GALK2: variants seen among roughly 807,000 people sequenced by gnomAD.
GALK2 encodes galactokinase 2, also known as N-acetylgalactosamine kinase.
GALK2 carries 36 observed loss-of-function variants against 52.4 expected under a neutral mutation model. The observed-to-expected ratio is 0.69, with a 90% CI of 0.53 to 0.91. The LOEUF (loss-of-function observed/expected upper bound fraction) is 0.91. Among genes scored for constraint, GALK2 ranks in the 40% least tolerant of loss-of-function variants. The pLI is 0.00. For synonymous variants in GALK2, 176 were observed against 199.1 expected (o/e 0.88, Z 0.98); for missense variants, 579 against 559.1 (o/e 1.04, Z -0.36).
At position 49,228,681 on chromosome 15, in the gene GALK2, A is replaced by ATG. The variant is rs1566957908; in HGVS notation, c.267-7169_267-7168insGT. Among the ~76,000 whole-genome samples the ATG allele has an allele frequency of 8.3e-4, 8 of 9,672 alleles. 1 individual carries two copies. The highest frequency in any genetic ancestry group is 1.8e-3 in the Non-Finnish European group (8 of 4,554). The allele number at this position is 9,672 out of a possible 152,430, so 6.3% of individuals were successfully genotyped here. A position where few individuals can be genotyped will look rare whatever the true frequency, so the allele number is the denominator to read the frequency against. On this transcript the variant is annotated intron_variant, in intron 3 of 9. Transcript: ENST00000560031. ...CACTGATATATATATATATATATAT[A>ATG]TATATATTTTTTTTTTTTTTTTTTT...
At chr15:49,290,869 G>C (rs530459569) in intron 7 of GALK2, among the ~76,000 whole-genome samples, 4 of 152,180 alleles carry the variant, frequency 2.6e-5, no homozygotes, top group Non-Finnish European at 4.4e-5. Flanking sequence ...CATTGAGAAC[G>C]TGGCCTAGGG....
chr15:49,284,339 G>A (rs574784662), intron 7 of GALK2, among the ~76,000 whole-genome samples: 1 of 152,342 alleles, frequency 6.6e-6, no homozygotes, highest in African/African-American at 2.4e-5. Context: ...ACTAGAGAGA[G>A]TGGACAGTAG....
At chr15:49,203,850 C>T (rs765214270) in intron 2 of GALK2, among the ~76,000 whole-genome samples, 3 of 152,142 alleles carry the variant, frequency 2.0e-5, no homozygotes, top group Non-Finnish European at 2.9e-5. Context: ...CATGGTGGCT[C>T]ACACTTGCAA....
chr15:49,173,432 T>C (rs1348070825), intron 1 of GALK2, among the ~76,000 whole-genome samples: 1 of 152,188 alleles, frequency 6.6e-6, no homozygotes, highest in Non-Finnish European at 1.5e-5. Context: ...ACTGAATACA[T>C]TTTTAATATT....
chr15:49,283,452 A>G, intron 6 of GALK2, 114 bp from the exon 7 acceptor site: 2 of 887,170 alleles, frequency 2.3e-6, no homozygotes, highest in Non-Finnish European at 3.5e-6. Context: ...AATAAGTAAT[A>G]TTTGAATGAA....
chr15:49,229,756 C>G (rs967826264), intron 3 of GALK2, among the ~76,000 whole-genome samples: 1 of 152,112 alleles, frequency 6.6e-6, no homozygotes, highest in African/African-American at 2.4e-5. Context: ...GGCCCAGCTG[C>G]GGGGGAGAGT....
Position 49,331,652 on chromosome 15 carries a change from C to T in GALK2, c.*3493C>T. On this transcript the variant is annotated 3_prime_UTR_variant, in exon 10 of 10. Transcript: ENST00000560031. ...CATGTGCATGTAGATGATTAAGTAA[C>T]AAGAATGTATCCTCTCCTGCCACTG... is the stretch of plus-strand genomic sequence containing the variant. The T allele has an allele frequency of 1.6e-6, 1 of 622,016 alleles. No homozygotes were observed. Among genetic ancestry groups the T allele is most frequent in the Non-Finnish European group, 2.9e-6 (1 of 346,886 alleles). The allele number at this position is 622,016 out of a possible 1,614,324, so 38.5% of individuals were successfully genotyped here.
chr15:49,278,655 G>T (rs1361907117), intron 5 of GALK2, among the ~76,000 whole-genome samples: 1 of 152,158 alleles, frequency 6.6e-6, no homozygotes, highest in East Asian at 1.9e-4. Context: ...TATGGTGGTG[G>T]TTAAGATTAT....
intron 8 of GALK2, among the ~76,000 whole-genome samples, chr15:49,302,442 T>C (rs2035193852): frequency 6.6e-6 from 1 of 152,184 alleles, no homozygotes; most frequent in Admixed American, 6.5e-5. Flanking sequence ...TGTTGTGTTC[T>C]AGAAGAGCCA....
At chr15:49,262,577 G>T (rs1281453490) in intron 5 of GALK2, among the ~76,000 whole-genome samples, 1 of 150,994 alleles carries the variant, frequency 6.6e-6, no homozygotes, top group East Asian at 2.0e-4. Flanking sequence ...CTTCAGTTCT[G>T]CTCTGATTTT....
chr15:49,363,853 T>C (rs1237118472), intron 3 of GALK2, among the ~76,000 whole-genome samples: 1 of 152,182 alleles, frequency 6.6e-6, no homozygotes, highest in Non-Finnish European at 1.5e-5. Context: ...AAAAGCCTAT[T>C]CTGCATGTAT....
chr15:49,240,663 T>C (rs1262351284), intron 5 of GALK2, among the ~76,000 whole-genome samples: 1 of 152,096 alleles, frequency 6.6e-6, no homozygotes, highest in Non-Finnish European at 1.5e-5. Context: ...GGAGAGAACA[T>C]CATGTGGAAA....
chr15:49,333,514 A>G (rs544208474), downstream of GALK2, among the ~76,000 whole-genome samples: 2 of 152,228 alleles, frequency 1.3e-5, no homozygotes, highest in Non-Finnish European at 2.9e-5. Context: ...GAAACTTGTA[A>G]GAGTCACCCG....
At chr15:49,353,074 G>A (rs1400541536) in intron 3 of GALK2, among the ~76,000 whole-genome samples, 1 of 152,132 alleles carries the variant, frequency 6.6e-6, no homozygotes, top group Non-Finnish European at 1.5e-5. Context: ...TCTATGGTGA[G>A]TTGATGAAAT....
At chr15:49,315,736 G>A (rs1443316627) in intron 8 of GALK2, among the ~76,000 whole-genome samples, 3 of 152,134 alleles carry the variant, frequency 2.0e-5, no homozygotes, top group South Asian at 2.1e-4. Context: ...AAGAGTCCTC[G>A]TTAGACATTC....
chr15:49,297,215 A>T (rs983318498), intron 8 of GALK2, among the ~76,000 whole-genome samples: 1 of 152,082 alleles, frequency 6.6e-6, no homozygotes, highest in African/African-American at 2.4e-5. Context: ...CTTGTTGGCC[A>T]TGTGTATGTC....
At chr15:49,342,160 CTA>C (rs2040836182) in intron 3 of GALK2, among the ~76,000 whole-genome samples, 1 of 152,030 alleles carries the variant, frequency 6.6e-6, no homozygotes, top group Non-Finnish European at 1.5e-5. Flanking sequence ...TATTGTGTGA[CTA>C]TTTCTTTTTG....
At chr15:49,166,166 A>T (rs1191252201), upstream of GALK2, among the ~76,000 whole-genome samples, 1 of 152,116 alleles carries the variant, frequency 6.6e-6, no homozygotes, top group Non-Finnish European at 1.5e-5. Flanking sequence ...GAGTAGAAAA[A>T]CTTAGACTAG....
chr15:49,366,353 G>T, intron 3 of GALK2: 1 of 787,144 alleles, frequency 1.3e-6, no homozygotes, highest in South Asian at 1.3e-5. Context: ...AACCAACATT[G>T]CTTCAGCACC....
Sources: allele counts gnomAD v4.1 joint callset (sites outside exome capture counted in the v4.1 genomes callset), GRCh38; gene constraint gnomAD v4.1.1; transcripts MANE v1.5; gene names NCBI Gene and HGNC (gene_info 2026-07-23, HGNC 2026-07-21).